Variants in FMN1 observed in about 807,000 individuals in gnomAD.
FMN1 encodes the protein formin-1.
Under a neutral mutation model 132.4 loss-of-function variants are expected in FMN1, and 110 were observed. That is an observed-to-expected ratio of 0.83 (90% CI 0.71 to 0.97). FMN1 has a LOEUF of 0.97. FMN1 is among the 50% of genes least tolerant of loss of function. The probability of loss-of-function intolerance (pLI) is 0.00; values close to 1 mark genes in which losing one functional copy is unlikely to be tolerated. For missense variants in FMN1, 1,792 were observed against 1,705.3 expected, an observed-to-expected ratio of 1.05 and a Z score of -0.90; for synonymous variants, 722 against 651.7, an observed-to-expected ratio of 1.11 and a Z score of -1.64.
chr15:32,900,515 T>A (rs1448480230), intron 13 of FMN1, among the ~76,000 whole-genome samples: 3 of 152,240 alleles, frequency 2.0e-5, no homozygotes, highest in African/African-American at 7.2e-5. Context: ...CTTTTGAGGA[T>A]GTATTTCAGG....
chr15:32,899,321 C>A (rs572943713), intron 14 of FMN1, among the ~76,000 whole-genome samples: 13 of 152,162 alleles, frequency 8.5e-5, no homozygotes, highest in Non-Finnish European at 1.2e-4. Context: ...TTAAAAGGAG[C>A]ACCACACCAC....
chr15:33,033,986 C>G (rs1399741026), intron 6 of FMN1, among the ~76,000 whole-genome samples: 1 of 152,142 alleles, frequency 6.6e-6, no homozygotes, highest in Non-Finnish European at 1.5e-5. Context: ...TCATCTCAGT[C>G]TCTTTCTGTT....
intron 3 of FMN1, among the ~76,000 whole-genome samples, chr15:33,160,291 A>C (rs1409179136): frequency 6.6e-6 from 1 of 152,208 alleles, no homozygotes; most frequent in Non-Finnish European, 1.5e-5. Context: ...ACTGACATGA[A>C]AACCACAACC....
Position 32,776,888 on chromosome 15 carries a change from A to G in FMN1, c.4162T>C (p.Leu1388=). The change falls in exon 20 of 21, where the codon TTG becomes CTG. Residue 1388 remains leucine (L), a synonymous_variant. Transcript: ENST00000616417. ...GTCTCCACTTTCTTCTCTGAAGTCA[A>G]CTTGCTGACTGATTCCTGAGCCATT... ...LKMAQESVSK[L]TSEKKVETKK... The G allele has an allele frequency of 6.3e-7, 1 of 1,595,684 alleles. No homozygotes were observed. The highest frequency in any genetic ancestry group is 1.1e-5 in the South Asian group (1 of 87,940).
chr15:33,128,015 AATC>A (rs1963272281), intron 4 of FMN1, among the ~76,000 whole-genome samples: 1 of 152,172 alleles, frequency 6.6e-6, no homozygotes, highest in Admixed American at 6.6e-5. Flanking sequence ...AAAATAGACA[AATC>A]ATAGCAGAAT....
chr15:32,902,966 T>A (rs2060333597), intron 12 of FMN1, among the ~76,000 whole-genome samples: 1 of 152,230 alleles, frequency 6.6e-6, no homozygotes, highest in East Asian at 1.9e-4. Context: ...ACTCATAACG[T>A]CATTACCAAG....
chr15:33,128,844 C>T (rs924466159), intron 4 of FMN1, among the ~76,000 whole-genome samples: 3 of 152,230 alleles, frequency 2.0e-5, no homozygotes, highest in South Asian at 2.1e-4. Flanking sequence ...ATGCGGAAGA[C>T]AACCGGAGCA....
At chr15:33,053,332 T>C (rs1454696079) in intron 6 of FMN1, among the ~76,000 whole-genome samples, 2 of 152,224 alleles carry the variant, frequency 1.3e-5, no homozygotes, top group Admixed American at 6.5e-5. Flanking sequence ...CACATTCCCC[T>C]TGAGGTAACA....
chr15:33,078,077 G>C (rs2038293416), intron 5 of FMN1, among the ~76,000 whole-genome samples: 1 of 152,198 alleles, frequency 6.6e-6, no homozygotes, highest in Admixed American at 6.5e-5. Flanking sequence ...CTATGTCTTT[G>C]AAAAGGGACA....
rs538432963 is a variant in FMN1, at chr15:33,061,720, A to C, written c.2161+3237T>G. ...TACAATAAGATATAGTATAATATAC[A>C]AACATATCAAAGACAATAGAAGGCC... On this transcript the variant is annotated intron_variant, in intron 6 of 20. Transcript: ENST00000616417. 5.9e-5 allele frequency among the ~76,000 whole-genome samples: 9 copies of C among 152,298 alleles called. 1 individual carries two copies. Among genetic ancestry groups the C allele is most frequent in the Admixed American group, 5.9e-4 (9 of 15,304 alleles).
intron 6 of FMN1, among the ~76,000 whole-genome samples, chr15:33,018,175 T>A (rs952006025): frequency 1.3e-5 from 2 of 152,170 alleles, no homozygotes; most frequent in African/African-American, 4.8e-5. Flanking sequence ...AGAGCCCTTG[T>A]GCATGAGATT....
At chr15:33,070,022 T>TTTTG (rs2037931832) in intron 5 of FMN1, among the ~76,000 whole-genome samples, 1 of 121,174 alleles carries the variant, frequency 8.3e-6, no homozygotes, top group Admixed American at 8.7e-5. Context: ...TTTTTTTTTT[T>TTTTG]GAGACCGAGT....
chr15:33,153,833 T>C lies in FMN1; in HGVS notation c.1082A>G (p.His361Arg). The C allele has an allele frequency of 6.5e-7, 1 of 1,536,520 alleles. No homozygotes were observed. The highest frequency in any genetic ancestry group is 8.7e-7 in the Non-Finnish European group (1 of 1,147,006). Reference sequence around the variant, plus strand: ...GTCGGCTTTGGGTACAAACTCAGCGTGGGCTGCTGGGCGAATGGCAATCGT... The same window carrying C: ...GTCGGCTTTGGGTACAAACTCAGCGCGGGCTGCTGGGCGAATGGCAATCGT... The part of the protein sequence containing the change: ...KETIAIRPAA[H>R]AEFVPKADLL... The change falls in exon 4 of 21, where the codon CAC becomes CGC. Residue 361 changes from histidine to arginine, a missense_variant. His to Arg is a conservative substitution (Grantham distance 29). This residue lies in a region of FMN1 where 638 missense variants were observed against 645.2 expected (regional missense o/e 0.99). Coordinates refer to ENST00000616417, the MANE Select transcript of FMN1 (RefSeq NM_001277313.2).
intron 20 of FMN1, 40 bp from the exon 21 acceptor site, chr15:32,774,394 T>A (rs747529419): frequency 3.3e-6 from 5 of 1,515,804 alleles, no homozygotes; most frequent in East Asian, 4.7e-5. Flanking sequence ...TTTTCTTTCA[T>A]CTTTCTCAAG....
At chr15:33,117,831 T>C (rs954578278) in intron 4 of FMN1, among the ~76,000 whole-genome samples, 12 of 152,204 alleles carry the variant, frequency 7.9e-5, no homozygotes, top group African/African-American at 2.7e-4. Flanking sequence ...CTCAGGACCA[T>C]GTAGCAAATT....
At chr15:33,067,064 G>C (rs781633498) in intron 5 of FMN1, 1 of 1,613,988 alleles carries the variant, frequency 6.2e-7, no homozygotes, top group Non-Finnish European at 8.5e-7. Context: ...GAAAAAAGCT[G>C]GAAGTTGGAA....
rs1248690553 is a variant in FMN1, at chr15:32,899,962, T to C, written c.3654+17A>G. On this transcript the variant is annotated intron_variant, in intron 14 of 20. Transcript: ENST00000616417. Reference sequence around the variant, plus strand: ...AATAATGGCAGATCATGGGAACTTATTATGAAAAATAAATACCCGACTTTT... The same window carrying C: ...AATAATGGCAGATCATGGGAACTTACTATGAAAAATAAATACCCGACTTTT... 1.9e-6 allele frequency: 3 copies of C among 1,609,768 alleles called. No individual in the cohort carries two copies. Among genetic ancestry groups the C allele is most frequent in the East Asian group, 2.2e-5 (1 of 44,872 alleles).
In FMN1 at chr15:33,095,073, T is replaced by G. The variant is rs1440917676; in HGVS notation, c.1868-6099A>C. Among the ~76,000 whole-genome samples, 7 of 151,996 alleles carry G rather than the reference T, an allele frequency of 4.6e-5. No individual in the cohort carries two copies. In the East Asian group the frequency reaches 1.4e-3, roughly 29 times the overall value. On this transcript the variant is annotated intron_variant, in intron 4 of 20. Coordinates refer to ENST00000616417, the MANE Select transcript of FMN1 (RefSeq NM_001277313.2). Reference sequence around the variant, plus strand: ...TTTGGTTATAAAGAATATGACCGGGTGCAGTGGCCCACCCCTGTAATTCCA... The same window carrying G: ...TTTGGTTATAAAGAATATGACCGGGGGCAGTGGCCCACCCCTGTAATTCCA...
chr15:32,933,394 C>T (rs113379121), intron 9 of FMN1, among the ~76,000 whole-genome samples: 1 of 152,130 alleles, frequency 6.6e-6, no homozygotes, highest in Non-Finnish European at 1.5e-5. Flanking sequence ...TCTGACATAA[C>T]GTGTGACTTA....
Sources: gnomAD v4.1 joint callset for allele counts (sites outside exome capture counted in the v4.1 genomes callset) on GRCh38, gnomAD v4.1.1 for gene constraint, gnomAD v4.1.1 regional missense constraint, MANE v1.5 for transcripts, NCBI Gene and HGNC (gene_info 2026-07-23, HGNC 2026-07-21) for gene names.